The following PCNX2 variants were observed in gnomAD, a reference collection of about 807,000 sequenced individuals.
The protein encoded by PCNX2 is pecanex-like protein 2.
In PCNX2, 168 loss-of-function variants were observed where a neutral mutation model predicts 223.8. The observed-to-expected ratio is 0.75, with a 90% CI of 0.66 to 0.85. The LOEUF (loss-of-function observed/expected upper bound fraction) is 0.85, where lower values mean the gene tolerates loss of function less well. Ranked by LOEUF, PCNX2 falls within the 40% of genes least tolerant of loss-of-function variation. PCNX2 has a pLI of 0.00. For synonymous variants in PCNX2, 1,006 were observed against 1,052.6 expected (o/e 0.96, Z 0.86); for missense variants, 2,507 against 2,675.5 (o/e 0.94, Z 1.39).
chr1:233,297,421 T>G (rs1047846741), upstream of PCNX2, among the ~76,000 whole-genome samples: 5 of 152,210 alleles, frequency 3.3e-5, no homozygotes, highest in African/African-American at 1.2e-4. Flanking sequence ...GTTATCATAT[T>G]GTAGAAATGG....
At chr1:233,228,786 C>T (rs1657889742) in intron 9 of PCNX2, among the ~76,000 whole-genome samples, 2 of 152,200 alleles carry the variant, frequency 1.3e-5, no homozygotes, top group Non-Finnish European at 2.9e-5. Context: ...GCAAATATCT[C>T]TTCGAGCTCC....
chr1:233,184,217 T>A (rs550109487), intron 15 of PCNX2, among the ~76,000 whole-genome samples: 1 of 152,182 alleles, frequency 6.6e-6, no homozygotes, highest in South Asian at 2.1e-4. Context: ...CTAGAAATAA[T>A]TCTCATGACA....
intron 21 of PCNX2, among the ~76,000 whole-genome samples, chr1:233,103,059 A>G (rs1477848677): frequency 6.6e-6 from 1 of 152,074 alleles, no homozygotes; most frequent in Non-Finnish European, 1.5e-5. Context: ...ATGGTGAGAG[A>G]TAGGATGAAA....
chr1:233,082,133 G>A (rs1445816464), intron 23 of PCNX2, among the ~76,000 whole-genome samples: 2 of 152,120 alleles, frequency 1.3e-5, no homozygotes, highest in Non-Finnish European at 2.9e-5. Context: ...CCTTGGGCAA[G>A]TTCTTTAACT....
intron 8 of PCNX2, among the ~76,000 whole-genome samples, chr1:233,237,205 T>C (rs978013640): frequency 8.5e-5 from 13 of 152,192 alleles, no homozygotes; most frequent in Middle Eastern, 3.2e-3. Context: ...TACCCAGGGT[T>C]GCAGTGTGTC....
At chr1:233,076,588 C>T (rs1227146308) in intron 23 of PCNX2, among the ~76,000 whole-genome samples, 1 of 152,166 alleles carries the variant, frequency 6.6e-6, no homozygotes, top group Non-Finnish European at 1.5e-5. Flanking sequence ...TCAGACGGAC[C>T]TCACTTTTCC....
chr1:233,265,151 G>T (rs1212068614), intron 1 of PCNX2, among the ~76,000 whole-genome samples: 2 of 151,812 alleles, frequency 1.3e-5, no homozygotes, highest in Non-Finnish European at 2.9e-5. Flanking sequence ...GCTGAGGTGG[G>T]AGGACCTCTT....
chr1:233,000,458 C>T lies in PCNX2; in HGVS notation c.5175G>A (p.Val1725=), dbSNP rs1558153059. 6.3e-7 allele frequency: 1 copy of T among 1,597,190 alleles called. No individual in the cohort carries two copies. Among genetic ancestry groups the T allele is most frequent in the Non-Finnish European group, 8.5e-7 (1 of 1,170,772 alleles). Residue 1725 remains valine (V), a synonymous_variant, in exon 30 of 34, where the codon GTG becomes GTA. Coordinates refer to ENST00000258229, the MANE Select transcript of PCNX2 (RefSeq NM_014801.4). This position sits in a 1 kb window ranked among gnomAD's most constrained non-coding sequence, Gnocchi z 4.6. ...CCGGGTCGCCCTCGTGGCAGATGAC[C>T]ACCTTCTTCTCGAAGGACTGGATGG... ...YEAIQSFEKK[V]VICHEGDPAW...
At chr1:233,176,315 T>C (rs1347333584) in intron 17 of PCNX2, among the ~76,000 whole-genome samples, 54 of 152,162 alleles carry the variant, frequency 3.5e-4, no homozygotes, top group Non-Finnish European at 8.8e-5. Flanking sequence ...CATCATTATT[T>C]TATAGTTGTA....
intron 1 of PCNX2, among the ~76,000 whole-genome samples, chr1:233,265,185 G>A (rs982218929): frequency 4.0e-5 from 6 of 151,578 alleles, no homozygotes; most frequent in Middle Eastern, 3.4e-3. Context: ...CAAGTTTACA[G>A]TGAGCTATAA....
chr1:233,060,871 C>T (rs1672381466), intron 23 of PCNX2, among the ~76,000 whole-genome samples: 1 of 152,150 alleles, frequency 6.6e-6, no homozygotes, highest in Non-Finnish European at 1.5e-5. Flanking sequence ...TCCAGAGAAG[C>T]GGACTTACTG....
At chr1:233,235,955 A>T (rs10910116) in intron 9 of PCNX2, among the ~76,000 whole-genome samples, 4 of 41,478 alleles carry the variant, frequency 9.6e-5, no homozygotes, top group Admixed American at 6.7e-4. Flanking sequence ...ATCATAAAAA[A>T]AAATATATAT....
intron 1 of PCNX2, chr1:233,289,304 G>A (rs1210261773): frequency 2.0e-6 from 2 of 991,452 alleles, no homozygotes; most frequent in East Asian, 4.7e-5. Context: ...CAATTTCCTT[G>A]GCTGCCATAA....
At chr1:233,105,184 G>C (rs997288633) in intron 21 of PCNX2, among the ~76,000 whole-genome samples, 1 of 152,076 alleles carries the variant, frequency 6.6e-6, no homozygotes, top group African/African-American at 2.4e-5. Flanking sequence ...TTTACAAAAT[G>C]AATCTATAAA....
At chr1:233,109,121 G>A (rs529513022) in intron 21 of PCNX2, among the ~76,000 whole-genome samples, 2 of 152,188 alleles carry the variant, frequency 1.3e-5, no homozygotes, top group Admixed American at 6.5e-5. Flanking sequence ...CAACAACAAA[G>A]CTCAACAGTG....
At chr1:233,305,160 T>A in the PCNX2 span, among the ~76,000 whole-genome samples, 1 of 152,148 alleles carries the variant, frequency 6.6e-6, no homozygotes. Flanking sequence ...AGAACAAGTT[T>A]CTTTATGGTA....
chr1:233,091,489 C>T lies in PCNX2; in HGVS notation c.3947-1299G>A, dbSNP rs555469854. Among the ~76,000 whole-genome samples, 9 of 152,090 alleles carry T rather than the reference C, an allele frequency of 5.9e-5. No homozygotes were observed. The South Asian group carries it at 1.9e-3, about 32-fold the overall frequency. On this transcript the variant is annotated intron_variant, in intron 22 of 33. Transcript: ENST00000258229. ...GTGGAAGTGGGGATTCCCTAACAGC[C>T]CTATTTATATGTAAGATATAAAAAA...
chr1:233,058,118 C>T (rs1194602117), intron 23 of PCNX2: 1 of 902,776 alleles, frequency 1.1e-6, no homozygotes, highest in Non-Finnish European at 1.3e-6. Context: ...CCTATTCCAT[C>T]ATGTAAACAC....
At chr1:233,131,769 G>A (rs1231101180) in intron 21 of PCNX2, among the ~76,000 whole-genome samples, 2 of 152,062 alleles carry the variant, frequency 1.3e-5, no homozygotes, top group African/African-American at 4.8e-5. Context: ...CCCAGCCTAA[G>A]AGTGGATTAT....
Sources: gnomAD v4.1 joint callset for allele counts (sites outside exome capture counted in the v4.1 genomes callset) on GRCh38, gnomAD v4.1.1 for gene constraint, Gnocchi (gnomAD v3.1) non-coding constraint, MANE v1.5 for transcripts, NCBI Gene and HGNC (gene_info 2026-07-23, HGNC 2026-07-21) for gene names.